The following POGZ variants were observed in gnomAD, a reference collection of about 807,000 sequenced individuals.
POGZ encodes the protein pogo transposable element with ZNF domain.
A neutral mutation model predicts 134.6 loss-of-function variants in POGZ; 17 were observed. The observed-to-expected ratio is 0.13, with a 90% CI of 0.09 to 0.19. The LOEUF is 0.19. Among genes scored for constraint, POGZ ranks in the 10% least tolerant of loss-of-function variants. The pLI, the probability that POGZ is intolerant of heterozygous loss-of-function variation, is 1.00. For synonymous variants in POGZ, 693 were observed against 657.1 expected, an observed-to-expected ratio of 1.05 and a Z score of -0.84; for missense variants, 1,306 against 1,769.7, an observed-to-expected ratio of 0.74 and a Z score of 4.70.
At chr1:151,454,160 C>T (rs991951340) in intron 1 of POGZ, among the ~76,000 whole-genome samples, 1 of 151,956 alleles carries the variant, frequency 6.6e-6, no homozygotes, top group African/African-American at 2.4e-5. Context: ...ACATACCTGC[C>T]CAAAAATCAA....
chr1:151,403,349 T>C lies in POGZ; in HGVS notation c.*1453A>G. ...CAGGGTCACCTAGAAAAAAAACAAG[T>C]TTATAAATCCATTTCCCCTCATTTT... On this transcript the variant is annotated 3_prime_UTR_variant, in exon 19 of 19. Transcript: ENST00000271715. 1.0e-6 allele frequency: 1 copy of C among 985,442 alleles called. No homozygotes were observed. The highest frequency in any genetic ancestry group is 1.2e-6 in the Non-Finnish European group (1 of 829,732). 61.0% of individuals were successfully genotyped at this position (985,442 alleles called of 1,614,324 possible).
intron 1 of POGZ, among the ~76,000 whole-genome samples, chr1:151,447,039 A>C (rs533454562): frequency 7.2e-5 from 11 of 152,196 alleles, no homozygotes; most frequent in Admixed American, 2.0e-4. Context: ...CATATTCATA[A>C]ATATTTTGGT....
chr1:151,454,354 T>C (rs183618169), intron 1 of POGZ, among the ~76,000 whole-genome samples: 1 of 152,344 alleles, frequency 6.6e-6, no homozygotes, highest in East Asian at 1.9e-4. Context: ...CCTATAGGGC[T>C]GAATACTTAA....
intron 1 of POGZ, among the ~76,000 whole-genome samples, chr1:151,442,823 G>A (rs1321575213): frequency 6.6e-6 from 1 of 151,624 alleles, no homozygotes; most frequent in African/African-American, 2.4e-5. Flanking sequence ...GAGGTCACGA[G>A]TTCAAGACCA....
chr1:151,451,788 G>A (rs928693418), intron 1 of POGZ, among the ~76,000 whole-genome samples: 2 of 151,578 alleles, frequency 1.3e-5, no homozygotes, highest in Admixed American at 6.7e-5. Context: ...AAAACTAATA[G>A]AAGTCTCTTT....
In POGZ at chr1:151,429,640, C is replaced by T; in HGVS notation, c.531G>A (p.Gln177=). The change falls in exon 5 of 19, where the codon CAG becomes CAA. Residue 177 remains glutamine, a synonymous_variant. Coordinates refer to ENST00000271715, the MANE Select transcript of POGZ (RefSeq NM_015100.4). ...TAATTGGTCTAACCGTTTGGCCTTG[C>T]TGTACGTTCAGCACAATCCCAACCT... The part of the protein sequence containing the change: ...MNQVGIVLNV[Q]QGQTVRPITL... The T allele has an allele frequency of 6.2e-7, 1 of 1,611,704 alleles. No individual in the cohort carries two copies.
chr1:151,446,254 G>GAAAAAAAAAAAA (rs142998370), intron 1 of POGZ, among the ~76,000 whole-genome samples: 1 of 39,186 alleles, frequency 2.6e-5, no homozygotes, highest in African/African-American at 6.4e-5. Context: ...TTCTCATAAG[G>GAAAAAAAAAAAA]AAAAAAAAAA....
chr1:151,411,846 A>T (rs1654740264), intron 11 of POGZ, 75 bp from the exon 12 acceptor site: 1 of 1,348,682 alleles, frequency 7.4e-7, no homozygotes, highest in South Asian at 1.6e-5. Flanking sequence ...AAAGGTAGCA[A>T]CAAAAATTTT....
At chr1:151,445,496 T>C (rs898611493) in intron 1 of POGZ, among the ~76,000 whole-genome samples, 1 of 128,058 alleles carries the variant, frequency 7.8e-6, no homozygotes, top group African/African-American at 3.1e-5. Flanking sequence ...CACTCCAGCC[T>C]GGGCAACAGA....
At chr1:151,444,307 G>A (rs565875309) in intron 1 of POGZ, among the ~76,000 whole-genome samples, 1 of 152,212 alleles carries the variant, frequency 6.6e-6, no homozygotes, top group East Asian at 1.9e-4. Context: ...GAATTAAAAA[G>A]AAATCAAATC....
At chr1:151,433,254 T>C (rs975969066) in intron 3 of POGZ, among the ~76,000 whole-genome samples, 3 of 152,144 alleles carry the variant, frequency 2.0e-5, no homozygotes, top group African/African-American at 7.2e-5. Flanking sequence ...TTAACAGCAT[T>C]TTCTGCAAAT....
rs1654824656 is a variant in POGZ at position 151,412,335 on chromosome 1, C to T, written c.1740G>A (p.Lys580=). 3.1e-6 allele frequency: 5 copies of T among 1,608,658 alleles called. No homozygotes were observed. The highest frequency in any genetic ancestry group is 4.3e-6 in the Non-Finnish European group (5 of 1,175,426). Residue 580 remains lysine, a synonymous_variant, in exon 11 of 19, where the codon AAG becomes AAA. Transcript: ENST00000271715. ...GCATCTCTCCAGGCTTATGAGTATCCTTCATATGCTGGAGAAATAGTGGCT... is the reference window on the plus strand; with the variant it reads ...GCATCTCTCCAGGCTTATGAGTATCTTTCATATGCTGGAGAAATAGTGGCT... The part of the protein sequence containing the change: ...ESEPLFLQHM[K]DTHKPGEMPY...
At chr1:151,451,956 G>A (rs1432594104) in intron 1 of POGZ, among the ~76,000 whole-genome samples, 1 of 151,558 alleles carries the variant, frequency 6.6e-6, no homozygotes, top group Non-Finnish European at 1.5e-5. Context: ...AATTAGCCGG[G>A]CGTGGTGGTG....
chr1:151,408,971 T>A, intron 12 of POGZ, 143 bp from the exon 13 acceptor site: 3 of 731,322 alleles, frequency 4.1e-6, no homozygotes, highest in Non-Finnish European at 6.8e-6. Flanking sequence ...AAGAAAGAAA[T>A]ATGCAACATG....
intron 12 of POGZ, 98 bp from the exon 13 acceptor site, chr1:151,408,926 T>C: frequency 1.0e-6 from 1 of 992,522 alleles, no homozygotes; most frequent in Non-Finnish European, 1.5e-6. Context: ...AACCATATCA[T>C]TCTTCCCACC....
At chr1:151,412,223 T>C in intron 11 of POGZ, 73 bp downstream of exon 11, 1 of 779,020 alleles carries the variant, frequency 1.3e-6, no homozygotes. Flanking sequence ...TGGTCAACAA[T>C]ATTCATTAGT....
chr1:151,429,380 T>C (rs557711693), intron 5 of POGZ: 3 of 311,174 alleles, frequency 9.6e-6, no homozygotes, highest in South Asian at 6.5e-5. Context: ...TCTGTTTTAC[T>C]ACTTGATGAA....
intron 7 of POGZ, among the ~76,000 whole-genome samples, chr1:151,425,792 T>A (rs1657668582): frequency 6.6e-6 from 1 of 152,232 alleles, no homozygotes; most frequent in African/African-American, 2.4e-5. Flanking sequence ...ACCTTTCAGC[T>A]ATTGTGAATA....
At chr1:151,423,369 C>T (rs760496991) in intron 10 of POGZ, 28 bp downstream of exon 10, 2 of 1,601,252 alleles carry the variant, frequency 1.2e-6, no homozygotes, top group South Asian at 2.2e-5. Flanking sequence ...GGTATATTCC[C>T]CTTGAGTTTA....
Sources: allele counts gnomAD v4.1 joint callset (sites outside exome capture counted in the v4.1 genomes callset), GRCh38; gene constraint gnomAD v4.1.1; transcripts MANE v1.5; gene names NCBI Gene and HGNC (gene_info 2026-07-23, HGNC 2026-07-21).